SOX5: variants seen among roughly 807,000 people sequenced by gnomAD.
SOX5 encodes SRY-box transcription factor 5.
In SOX5, 9 loss-of-function variants were observed where a neutral mutation model predicts 92.0. The ratio of observed to expected loss-of-function variants is 0.10; its 90% confidence interval spans 0.06 to 0.17. The LOEUF is 0.17. Ranked by LOEUF, SOX5 falls within the 10% of genes least tolerant of loss-of-function variation. The pLI is 1.00. For synonymous variants in SOX5, 344 were observed against 336.3 expected (o/e 1.02, Z -0.25); for missense variants, 642 against 944.5 (o/e 0.68, Z 4.20).
At chr12:24,275,414 G>T (rs1944323179) in intron 3 of SOX5, among the ~76,000 whole-genome samples, 1 of 151,848 alleles carries the variant, frequency 6.6e-6, no homozygotes, top group Admixed American at 6.6e-5. Context: ...TGTAGACTCT[G>T]ATTTTTTAAT....
intron 6 of SOX5, 103 bp from the exon 7 acceptor site, chr12:23,665,667 C>T (rs1197502018): frequency 7.4e-7 from 1 of 1,349,016 alleles, no homozygotes; most frequent in Admixed American, 2.3e-5. Flanking sequence ...TTATTCAATT[C>T]AAAAGACTGG....
At chr12:23,715,171 C>A (rs1460118668) in intron 6 of SOX5, among the ~76,000 whole-genome samples, 1 of 151,888 alleles carries the variant, frequency 6.6e-6, no homozygotes, top group Non-Finnish European at 1.5e-5. Context: ...CGATGGCGGG[C>A]GCCTGTAGTC....
chr12:23,974,025 G>A (rs78713730), intron 4 of SOX5, among the ~76,000 whole-genome samples: 2 of 151,836 alleles, frequency 1.3e-5, no homozygotes, highest in South Asian at 4.2e-4. Flanking sequence ...TGTATATGCT[G>A]TTTTTTTTCC....
rs1457724195 is a variant in SOX5, at chr12:24,277,572, A to T, written c.-173-260T>A. Among the ~76,000 whole-genome samples the T allele has an allele frequency of 5.9e-5, 8 of 135,614 alleles. No homozygotes were observed. The East Asian group carries it at 1.1e-3, about 18-fold the overall frequency. 89.0% of individuals were successfully genotyped at this position (135,614 alleles called of 152,430 possible). On this transcript the variant is annotated intron_variant, in intron 2 of 4. Coordinates refer to the SOX5 transcript ENST00000446891. ...AAATTTATATTTATATATTAAATAT[A>T]TAAATATATATTTAAATGTAAATTT... is the stretch of plus-strand genomic sequence containing the variant.
At chr12:23,800,276 G>A (rs2095637458) in intron 3 of SOX5, among the ~76,000 whole-genome samples, 1 of 152,140 alleles carries the variant, frequency 6.6e-6, no homozygotes, top group Non-Finnish European at 1.5e-5. Flanking sequence ...TTAACAAAAT[G>A]TCAATGAGAA....
At chr12:24,384,115 C>T (rs1177293962) in intron 1 of SOX5, among the ~76,000 whole-genome samples, 1 of 152,174 alleles carries the variant, frequency 6.6e-6, no homozygotes, top group African/African-American at 2.4e-5. Context: ...CCATGCAGAG[C>T]TATGAGTCAA....
intron 4 of SOX5, among the ~76,000 whole-genome samples, chr12:24,200,364 G>T (rs1957398271): frequency 6.6e-6 from 1 of 152,130 alleles, no homozygotes; most frequent in African/African-American, 2.4e-5. Context: ...TTTAAGTTCT[G>T]TAAGATCTTT....
chr12:23,674,852 C>T (rs982681798), intron 6 of SOX5, among the ~76,000 whole-genome samples: 3 of 151,710 alleles, frequency 2.0e-5, no homozygotes, highest in African/African-American at 7.3e-5. Flanking sequence ...CTTTAACCAT[C>T]TGAAAATTGA....
chr12:23,715,168 G>A (rs1187887306), intron 6 of SOX5, among the ~76,000 whole-genome samples: 9 of 151,960 alleles, frequency 5.9e-5, no homozygotes. Context: ...GTGCGATGGC[G>A]GGCGCCTGTA....
rs1488010218 is a variant in SOX5, at chr12:24,461,059, C to T, written c.-250-92420G>A. Among the ~76,000 whole-genome samples the T allele has an allele frequency of 2.0e-5, 3 of 152,176 alleles. No homozygotes were observed. In the East Asian group the frequency reaches 5.8e-4, roughly 29 times the overall value. ...TGTCCCCAAACAGCATAAATTGTCA[C>T]ATATTTATGTATGTTTGGCCTGAGA... is the stretch of plus-strand genomic sequence containing the variant. On this transcript the variant is annotated intron_variant, in intron 1 of 4. Transcript: ENST00000446891.
chr12:23,584,803 G>C (rs914271076), intron 9 of SOX5, among the ~76,000 whole-genome samples: 1 of 151,978 alleles, frequency 6.6e-6, no homozygotes, highest in African/African-American at 2.4e-5. Flanking sequence ...GCAAGAAAAG[G>C]CTAGGGAAGC....
intron 3 of SOX5, among the ~76,000 whole-genome samples, chr12:24,216,320 A>G (rs1480417730): frequency 6.6e-6 from 1 of 151,952 alleles, no homozygotes; most frequent in East Asian, 2.0e-4. Context: ...CGTGTCTACT[A>G]AAAATACAAA....
At chr12:24,243,943 G>C (rs572558899) in intron 3 of SOX5, among the ~76,000 whole-genome samples, 1 of 151,734 alleles carries the variant, frequency 6.6e-6, no homozygotes, top group Non-Finnish European at 1.5e-5. Flanking sequence ...TTACAGTTCT[G>C]CAGTTATTCT....
chr12:23,731,865 G>A (rs2093406142), intron 6 of SOX5, among the ~76,000 whole-genome samples: 2 of 152,000 alleles, frequency 1.3e-5, no homozygotes. Flanking sequence ...TGTTTTCTAA[G>A]GTCTGGAACA....
intron 2 of SOX5, among the ~76,000 whole-genome samples, chr12:23,864,408 A>G (rs1045785316): frequency 2.0e-5 from 3 of 152,216 alleles, no homozygotes; most frequent in East Asian, 3.9e-4. Flanking sequence ...AGAAATTATT[A>G]TACTTAGTGA....
rs553844284 is a variant in SOX5 at position 24,008,162 on chromosome 12, C to T, written c.-1-112138G>A. ...GTTTGATCCAAAACATTCGAGATAA[C>T]GAGTGAAAAATGGATGAAGCTACTT... On this transcript the variant is annotated intron_variant, in intron 4 of 4. Transcript: ENST00000446891. Among the ~76,000 whole-genome samples, 7 of 152,076 alleles carry T rather than the reference C, an allele frequency of 4.6e-5. No homozygotes were observed. In the South Asian group the frequency reaches 6.2e-4, roughly 14 times the overall value.
intron 9 of SOX5, among the ~76,000 whole-genome samples, chr12:23,603,756 C>A (rs1052239202): frequency 1.3e-5 from 2 of 151,920 alleles, no homozygotes; most frequent in Non-Finnish European, 2.9e-5. Flanking sequence ...GCTTAAAAAC[C>A]AAAACCACTT....
At chr12:24,247,994 G>T (rs1565746129) in intron 3 of SOX5, among the ~76,000 whole-genome samples, 1 of 152,032 alleles carries the variant, frequency 6.6e-6, no homozygotes, top group Non-Finnish European at 1.5e-5. Context: ...AAACACCAGA[G>T]ACATTTTCTT....
rs563227699 is a variant in SOX5, at chr12:23,643,058, G to A, written c.932-2161C>T. 5.8e-3 allele frequency among the ~76,000 whole-genome samples: 544 copies of A among 93,422 alleles called. 11 individuals carry two copies. The highest frequency in any genetic ancestry group is 0.018 in the African/African-American group (528 of 29,554). 61.3% of individuals were successfully genotyped at this position (93,422 alleles called of 152,430 possible). ...GCCGAGATCCCGCCACTGCACTCCA[G>A]CCTGGGCGACAGAGCGAGACTCCGT... On this transcript the variant is annotated intron_variant, in intron 7 of 14. Transcript: ENST00000451604.
Sources: gnomAD v4.1 joint callset for allele counts (sites outside exome capture counted in the v4.1 genomes callset) on GRCh38, gnomAD v4.1.1 for gene constraint, MANE v1.5 for transcripts, NCBI Gene and HGNC (gene_info 2026-07-23, HGNC 2026-07-21) for gene names.